Variants in OTOF observed in about 807,000 individuals in gnomAD.
OTOF encodes the protein fer-1-like family member 2.
Under a neutral mutation model 236.8 loss-of-function variants are expected in OTOF, and 218 were observed. That is an observed-to-expected ratio of 0.92 (90% confidence interval 0.82 to 1.03). OTOF has a LOEUF of 1.03. OTOF is among the 50% of genes least tolerant of loss of function. The probability of loss-of-function intolerance (pLI) is 0.00; values close to 1 mark genes in which losing one functional copy is unlikely to be tolerated. For missense variants in OTOF, 2,590 were observed against 2,694.4 expected (o/e 0.96, Z 0.86); for synonymous variants, 1,041 against 1,072.5 (o/e 0.97, Z 0.57).
chr2:26,479,738 G>T, intron 16 of OTOF, 85 bp from the exon 17 acceptor site: 1 of 1,370,986 alleles, frequency 7.3e-7, no homozygotes. Flanking sequence ...CCTTGGGTTT[G>T]GGAAAGGGGA....
intron 5 of OTOF, among the ~76,000 whole-genome samples, chr2:26,509,299 A>T (rs1444092167): frequency 1.3e-5 from 2 of 152,196 alleles, no homozygotes; most frequent in African/African-American, 4.8e-5. Flanking sequence ...ATTCCCCATC[A>T]TCGCCACCCA....
chr2:26,497,735 A>G (rs1015246653), intron 8 of OTOF, among the ~76,000 whole-genome samples: 1 of 152,194 alleles, frequency 6.6e-6, no homozygotes, highest in Non-Finnish European at 1.5e-5. Flanking sequence ...TGAAGTGACA[A>G]AGGGACGGAA....
At chr2:26,469,912 G>A (rs1001604711) in intron 32 of OTOF, among the ~76,000 whole-genome samples, 2 of 152,180 alleles carry the variant, frequency 1.3e-5, no homozygotes, top group African/African-American at 4.8e-5. Flanking sequence ...TGGTCAGGTG[G>A]CCAGTCAGAG....
intron 9 of OTOF, among the ~76,000 whole-genome samples, chr2:26,493,420 C>T (rs1665896293): frequency 6.6e-6 from 1 of 152,166 alleles, no homozygotes; most frequent in African/African-American, 2.4e-5. Context: ...TGGCACCCCT[C>T]ACTGCCTGGA....
intron 11 of OTOF, 146 bp from the exon 12 acceptor site, chr2:26,484,779 T>C: frequency 1.3e-6 from 1 of 774,226 alleles, no homozygotes. Context: ...TGCCTGTCCC[T>C]AGCCCAGGGT....
At position 26,480,075 on chromosome 2, in the gene OTOF, G is replaced by A. The variant is rs140284013; in HGVS notation, c.1912+128C>T. Reference sequence around the variant, plus strand: ...GGCCTCTCAGGGGAAAGGGGTCAACGTTCCCTACAAGAGTGAGGACAGGGC... The same window carrying A: ...GGCCTCTCAGGGGAAAGGGGTCAACATTCCCTACAAGAGTGAGGACAGGGC... On this transcript the variant is annotated intron_variant, in intron 16 of 46. Transcript: ENST00000272371. 3.5e-3 allele frequency: 2,508 copies of A among 715,196 alleles called. 33 individuals carry two copies. Among genetic ancestry groups the A allele is most frequent in the Admixed American group, 0.029 (1,468 of 50,360 alleles). The allele number at this position is 715,196 out of a possible 1,614,324, so 44.3% of individuals were successfully genotyped here. A position where few individuals can be genotyped will look rare whatever the true frequency, so the allele number is the denominator to read the frequency against.
chr2:26,480,638 C>T (rs1665512193), intron 15 of OTOF, 148 bp downstream of exon 15: 4 of 704,896 alleles, frequency 5.7e-6, no homozygotes, highest in Non-Finnish European at 9.9e-6. Flanking sequence ...GAGTGGGGGC[C>T]TCTGCTTCCT....
At chr2:26,555,825 C>G (rs1667572892) in intron 1 of OTOF, among the ~76,000 whole-genome samples, 1 of 152,196 alleles carries the variant, frequency 6.6e-6, no homozygotes, top group Admixed American at 6.5e-5. Flanking sequence ...ATGGGAATGG[C>G]TGCCTCACAA....
intron 2 of OTOF, among the ~76,000 whole-genome samples, chr2:26,532,506 A>C (rs1180825821): frequency 6.6e-6 from 1 of 152,208 alleles, no homozygotes; most frequent in East Asian, 1.9e-4. Flanking sequence ...GGCTCTGTGC[A>C]TGACGCTGTG....
chr2:26,521,133 G>C (rs1666666898), intron 3 of OTOF, among the ~76,000 whole-genome samples: 2 of 152,240 alleles, frequency 1.3e-5, no homozygotes, highest in African/African-American at 4.8e-5. Context: ...GAGAGGGCCT[G>C]AGAATGTGTA....
intron 2 of OTOF, among the ~76,000 whole-genome samples, chr2:26,536,687 C>CT (rs1667078715): frequency 6.6e-6 from 1 of 152,168 alleles, no homozygotes. Flanking sequence ...CTATGAGGCC[C>CT]TTCCCAGCCC....
At chr2:26,500,124 G>T (rs1666081313) in intron 8 of OTOF, among the ~76,000 whole-genome samples, 1 of 152,188 alleles carries the variant, frequency 6.6e-6, no homozygotes, top group African/African-American at 2.4e-5. Context: ...GAAGTCAATT[G>T]CTCTTATGGC....
intron 1 of OTOF, among the ~76,000 whole-genome samples, chr2:26,539,511 G>A (rs527756937): frequency 5.3e-5 from 8 of 152,184 alleles, no homozygotes; most frequent in African/African-American, 7.2e-5. Context: ...CGAGGCGGGC[G>A]GATCACCTGA....
chr2:26,510,241 A>G (rs1438742417), intron 5 of OTOF, among the ~76,000 whole-genome samples: 1 of 151,838 alleles, frequency 6.6e-6, no homozygotes, highest in East Asian at 1.9e-4. Flanking sequence ...TCCACCCACG[A>G]CCTGCAGCTG....
intron 8 of OTOF, among the ~76,000 whole-genome samples, chr2:26,495,524 C>A (rs1452781764): frequency 6.6e-6 from 1 of 152,124 alleles, no homozygotes; most frequent in African/African-American, 2.4e-5. Flanking sequence ...CTCCTGGGTT[C>A]AAGTGATTCT....
At chr2:26,469,275 T>C (rs1300218163) in intron 32 of OTOF, among the ~76,000 whole-genome samples, 1 of 152,136 alleles carries the variant, frequency 6.6e-6, no homozygotes, top group Non-Finnish European at 1.5e-5. Flanking sequence ...TTCAACTAAG[T>C]CGCCACCGCC....
Position 26,477,769 on chromosome 2 carries a change from G to T in OTOF, c.2215-20C>A, listed in dbSNP as rs753628212. On this transcript the variant is annotated intron_variant, in intron 18 of 46. Transcript: ENST00000272371. The surrounding 1 kb of genome is among the most constrained non-coding windows in gnomAD (Gnocchi z 4.7). ...TTCTTCCTGTGAATCAGGAGTGTGG[G>T]TGATGCTGGGCCACAGCCCCGCCTC... 5 of 1,612,178 alleles carry T rather than the reference G, an allele frequency of 3.1e-6. No homozygotes were observed. The highest frequency in any genetic ancestry group is 1.1e-5 in the South Asian group (1 of 91,022).
intron 1 of OTOF, among the ~76,000 whole-genome samples, chr2:26,554,997 G>C (rs1187382071): frequency 6.6e-6 from 1 of 152,172 alleles, no homozygotes; most frequent in Non-Finnish European, 1.5e-5. Flanking sequence ...TCTGTCACTT[G>C]GTTCCCTTAC....
intron 5 of OTOF, among the ~76,000 whole-genome samples, chr2:26,505,495 A>G (rs1168577659): frequency 6.6e-6 from 1 of 152,150 alleles, no homozygotes; most frequent in Non-Finnish European, 1.5e-5. Context: ...AGGCCTTTCT[A>G]GATGTCTGCA....
Sources: allele counts gnomAD v4.1 joint callset (sites outside exome capture counted in the v4.1 genomes callset), GRCh38; gene constraint gnomAD v4.1.1; non-coding constraint Gnocchi (gnomAD v3.1); transcripts MANE v1.5; gene names NCBI Gene and HGNC (gene_info 2026-07-23, HGNC 2026-07-21).